ACRV1: variants seen among roughly 807,000 people sequenced by gnomAD.
The protein encoded by ACRV1 is acrosomal vesicle protein 1.
Under a neutral mutation model 29.2 loss-of-function variants are expected in ACRV1, and 17 were observed. That is an observed-to-expected ratio of 0.58 (90% CI 0.40 to 0.87). The LOEUF is 0.87. ACRV1 is among the 40% of genes least tolerant of loss of function. The pLI is 0.00. For missense variants in ACRV1, 294 were observed against 316.0 expected, an observed-to-expected ratio of 0.93 and a Z score of 0.53; for synonymous variants, 98 against 111.6, an observed-to-expected ratio of 0.88 and a Z score of 0.77.
intron 1 of ACRV1, among the ~76,000 whole-genome samples, chr11:125,679,510 G>A (rs1205736336): frequency 1.3e-5 from 2 of 151,804 alleles, no homozygotes; most frequent in Admixed American, 1.3e-4. Context: ...GAGCCACTGT[G>A]TCTGGCCAAT....
chr11:125,678,305 G>A lies in ACRV1; in HGVS notation c.53-8C>T. On this transcript the variant is annotated splice_polypyrimidine_tract_variant and splice_region_variant and intron_variant, in intron 1 of 3. Transcript: ENST00000533904. Reference sequence around the variant, plus strand: ...TAGGCTGACTTGATGTTCCTGGGATGGAGAAGGAACAGAAGAGAGTTGGTG... The same window carrying A: ...TAGGCTGACTTGATGTTCCTGGGATAGAGAAGGAACAGAAGAGAGTTGGTG... 6.2e-7 allele frequency: 1 copy of A among 1,612,406 alleles called. No individual in the cohort carries two copies. Among genetic ancestry groups the A allele is most frequent in the Non-Finnish European group, 8.5e-7 (1 of 1,179,204 alleles).
rs777882971 is a variant in ACRV1 at position 125,676,509 on chromosome 11, T to C, written c.554-31A>G. ...AATTTAAGATAAGCCTGATGACATT[T>C]CCTTGTGGACCAGATGTGTAGCCTT... On this transcript the variant is annotated intron_variant, in intron 2 of 3. Transcript: ENST00000533904. The C allele has an allele frequency of 1.2e-5, 19 of 1,613,624 alleles. No individual in the cohort carries two copies. In the South Asian group the frequency reaches 2.0e-4, roughly 17 times the overall value.
At chr11:125,678,779 A>G (rs2134128795) in intron 1 of ACRV1, among the ~76,000 whole-genome samples, 1 of 151,932 alleles carries the variant, frequency 6.6e-6, no homozygotes, top group South Asian at 2.1e-4. Context: ...TTTGTAACCT[A>G]AATTAAGGGC....
chr11:125,677,472 A>G (rs918010988), intron 2 of ACRV1, among the ~76,000 whole-genome samples: 3 of 152,124 alleles, frequency 2.0e-5, no homozygotes, highest in African/African-American at 7.2e-5. Context: ...AGTCTTCAGA[A>G]CTCTGCACTT....
At chr11:125,675,301 T>C (rs898028278) in intron 3 of ACRV1, among the ~76,000 whole-genome samples, 4 of 152,246 alleles carry the variant, frequency 2.6e-5, no homozygotes, top group African/African-American at 9.6e-5. Flanking sequence ...TCTCTGCACT[T>C]TATATGTGCC....
intron 1 of ACRV1, among the ~76,000 whole-genome samples, chr11:125,678,838 T>C (rs1425754588): frequency 1.3e-5 from 2 of 151,376 alleles, no homozygotes; most frequent in African/African-American, 4.9e-5. Flanking sequence ...CCCACAAAAA[T>C]TATCAGAAGG....
intron 1 of ACRV1, 26 bp from the exon 2 acceptor site, chr11:125,678,323 A>G (rs774607851): frequency 1.2e-6 from 2 of 1,606,390 alleles, no homozygotes; most frequent in Non-Finnish European, 1.7e-6. Flanking sequence ...AACAGAAGAG[A>G]GTTGGTGAAG....
At chr11:125,680,139 C>G (rs766735521) in intron 1 of ACRV1, among the ~76,000 whole-genome samples, 6 of 152,276 alleles carry the variant, frequency 3.9e-5, no homozygotes, top group Admixed American at 1.3e-4. Flanking sequence ...ATAGAAAATA[C>G]ATTGTTTTTT....
At chr11:125,675,311 C>G (rs1227634237) in intron 3 of ACRV1, among the ~76,000 whole-genome samples, 1 of 152,150 alleles carries the variant, frequency 6.6e-6, no homozygotes, top group East Asian at 1.9e-4. Flanking sequence ...TTATATGTGC[C>G]TTTCTTAAGA....
At chr11:125,680,646 G>A in intron 1 of ACRV1, 83 bp downstream of exon 1, 4 of 1,283,842 alleles carry the variant, frequency 3.1e-6, no homozygotes, top group Non-Finnish European at 4.4e-6. Context: ...GTGACTGAGA[G>A]ACTGGTCTTC....
Position 125,672,497 on chromosome 11 carries a change from G to T in ACRV1, c.*96C>A. ...GCTCAGGCAGAGGCAGATGTGGTCAGTTGTTGACTGGGGAAGGAACTAAAT... is the reference window on the plus strand; with the variant it reads ...GCTCAGGCAGAGGCAGATGTGGTCATTTGTTGACTGGGGAAGGAACTAAAT... On this transcript the variant is annotated 3_prime_UTR_variant, in exon 4 of 4. Transcript: ENST00000533904. 1 of 1,460,374 alleles carries T rather than the reference G, an allele frequency of 6.8e-7. No individual in the cohort carries two copies. Among genetic ancestry groups the T allele is most frequent in the East Asian group, 2.3e-5 (1 of 44,058 alleles). 90.5% of individuals were successfully genotyped at this position (1,460,374 alleles called of 1,614,324 possible). A position where few individuals can be genotyped will look rare whatever the true frequency, so the allele number is the denominator to read the frequency against.
In ACRV1 at chr11:125,672,565, G is replaced by A. The variant is rs948534096; in HGVS notation, c.*28C>T. 6.2e-7 allele frequency: 1 copy of A among 1,611,556 alleles called. No individual in the cohort carries two copies. The highest frequency in any genetic ancestry group is 8.5e-7 in the Non-Finnish European group (1 of 1,179,302). On this transcript the variant is annotated 3_prime_UTR_variant, in exon 4 of 4. Transcript: ENST00000533904. ...GAGTGATGGAGGCTTTTTACTGCCTGAGTCAAAACAAGCAAGGGCCCAGGC... is the reference window on the plus strand; with the variant it reads ...GAGTGATGGAGGCTTTTTACTGCCTAAGTCAAAACAAGCAAGGGCCCAGGC...
chr11:125,673,208 TTTTC>T (rs201898946), intron 3 of ACRV1, among the ~76,000 whole-genome samples: 1,362 of 101,198 alleles, frequency 0.013, 19 homozygotes, highest in African/African-American at 0.026. Context: ...CTTTCTTTTC[TTTTC>T]TTTTTTTTTT....
intron 1 of ACRV1, among the ~76,000 whole-genome samples, chr11:125,678,978 T>TTATTTATATATATATATACATATA (rs1555078665): frequency 1.1e-5 from 1 of 88,436 alleles, no homozygotes; most frequent in Non-Finnish European, 2.2e-5. Flanking sequence ...TCTAGGCATA[T>TTATTTATATATATATATACATATA]TATATATATA....
rs1456357301 is a variant in ACRV1 at position 125,671,616 on chromosome 11, T to C, written c.*977A>G. ...TAAGAGTTCTTAGAACCATTCTGGC[T>C]ACTTTCATTGTGGTGGAAACAGCTC... On this transcript the variant is annotated 3_prime_UTR_variant, in exon 4 of 4. Coordinates refer to ENST00000533904, the MANE Select transcript of ACRV1 (RefSeq NM_001612.6). The C allele has an allele frequency of 6.6e-6, 1 of 152,220 alleles. No homozygotes were observed. The highest frequency in any genetic ancestry group is 2.4e-5 in the African/African-American group (1 of 41,444). The allele number at this position is 152,220 out of a possible 1,614,324, so 9.4% of individuals were successfully genotyped here.
rs778524597 is a variant in ACRV1, at chr11:125,671,562, A to G, written c.*1031T>C. 2 of 152,200 alleles carry G rather than the reference A, an allele frequency of 1.3e-5. No individual in the cohort carries two copies. The highest frequency in any genetic ancestry group is 2.4e-5 in the African/African-American group (1 of 41,444). 9.4% of individuals were successfully genotyped at this position (152,200 alleles called of 1,614,324 possible). On this transcript the variant is annotated 3_prime_UTR_variant, in exon 4 of 4. Coordinates refer to ENST00000533904, the MANE Select transcript of ACRV1 (RefSeq NM_001612.6). ...TGTTGAAATTTTAAATTTTATATAC[A>G]GTAAAATTGACTTCTTGTTGTACTG...
rs1309510959 is a variant in ACRV1 at position 125,680,723 on chromosome 11, ACT to A, written c.52+4_52+5del. ...TATTTACCTGAAGCCTAGATCAAACACTCACCTCTGGCAGATCCAAGCAGATA... is the reference window on the plus strand; with the variant it reads ...TATTTACCTGAAGCCTAGATCAAACACACCTCTGGCAGATCCAAGCAGATA... On this transcript the variant is annotated splice_donor_5th_base_variant and intron_variant, in intron 1 of 3. Transcript: ENST00000533904. 2 of 1,612,942 alleles carry A rather than the reference ACT, an allele frequency of 1.2e-6. No homozygotes were observed. The highest frequency in any genetic ancestry group is 1.7e-6 in the Non-Finnish European group (2 of 1,179,112).
At chr11:125,679,363 G>A (rs1293224197) in intron 1 of ACRV1, among the ~76,000 whole-genome samples, 1 of 151,794 alleles carries the variant, frequency 6.6e-6, no homozygotes, top group Non-Finnish European at 1.5e-5. Flanking sequence ...GATTACAGGT[G>A]CATGCCACCA....
At chr11:125,674,830 CTT>C (rs893619137) in intron 3 of ACRV1, among the ~76,000 whole-genome samples, 2 of 152,180 alleles carry the variant, frequency 1.3e-5, no homozygotes, top group African/African-American at 4.8e-5. Flanking sequence ...AATTCAAACT[CTT>C]TTTAACTGAC....
Sources: allele counts gnomAD v4.1 joint callset (sites outside exome capture counted in the v4.1 genomes callset), GRCh38; gene constraint gnomAD v4.1.1; transcripts MANE v1.5; gene names NCBI Gene and HGNC (gene_info 2026-07-23, HGNC 2026-07-21).